IGSF21: variants seen among roughly 807,000 people sequenced by gnomAD.
IGSF21 encodes immunoglobin superfamily member 21.
In IGSF21, 28 loss-of-function variants were observed where a neutral mutation model predicts 46.8. That is an observed-to-expected ratio of 0.60 (90% CI 0.44 to 0.82). The LOEUF (loss-of-function observed/expected upper bound fraction) is 0.82, where lower values mean the gene tolerates loss of function less well. Among genes scored for constraint, IGSF21 ranks in the 40% least tolerant of loss-of-function variants. The pLI is 0.00. For missense variants in IGSF21, 624 were observed against 665.5 expected (o/e 0.94, Z 0.69); for synonymous variants, 284 against 273.6 (o/e 1.04, Z -0.38).
chr1:18,296,112 C>T (rs557035253), intron 3 of IGSF21, among the ~76,000 whole-genome samples: 72 of 152,264 alleles, frequency 4.7e-4, no homozygotes, highest in African/African-American at 1.5e-3. Context: ...AACTCTCTCC[C>T]GGAGTTTCTC....
intron 4 of IGSF21, chr1:18,361,564 C>G (rs764870858): frequency 6.5e-6 from 1 of 153,650 alleles, no homozygotes; most frequent in Non-Finnish European, 1.4e-5. Flanking sequence ...CTGCCCCGCT[C>G]TGTCCTGGCC....
chr1:18,253,287 G>T (rs2084859971), intron 2 of IGSF21, among the ~76,000 whole-genome samples: 1 of 152,216 alleles, frequency 6.6e-6, no homozygotes, highest in Non-Finnish European at 1.5e-5. Context: ...ACTTTCCTGA[G>T]TCATCTGATG....
intron 1 of IGSF21, among the ~76,000 whole-genome samples, chr1:18,225,373 A>G (rs2124504367): frequency 1.3e-5 from 2 of 152,016 alleles, no homozygotes; most frequent in South Asian, 4.2e-4. Context: ...CCCAATCACC[A>G]GAGCTGCAAC....
intron 1 of IGSF21, among the ~76,000 whole-genome samples, chr1:18,208,376 A>ATATATATATATATATATATATAT: frequency 4.5e-5 from 1 of 22,040 alleles, no homozygotes; most frequent in African/African-American, 1.7e-4. Flanking sequence ...GTTTAGGAAT[A>ATATATATATATATATATATATAT]ATATATATAT....
chr1:18,341,033 TTCTTCTTCTTCC>T (rs760561224), intron 4 of IGSF21, among the ~76,000 whole-genome samples: 416 of 106,918 alleles, frequency 3.9e-3, no homozygotes, highest in Middle Eastern at 8.2e-3. Context: ...CTTCTTCTTC[TTCTTCTTCTTCC>T]TCTTCCTCTT....
At chr1:18,161,737 C>T (rs546061054) in intron 1 of IGSF21, among the ~76,000 whole-genome samples, 3 of 152,282 alleles carry the variant, frequency 2.0e-5, no homozygotes, top group Admixed American at 6.5e-5. Context: ...TACACTGATA[C>T]AGTCTCGCGT....
chr1:18,261,629 G>A (rs907005922), intron 2 of IGSF21, among the ~76,000 whole-genome samples: 8 of 152,210 alleles, frequency 5.3e-5, no homozygotes, highest in African/African-American at 1.9e-4. Context: ...CACTGCCTGT[G>A]GGGTAGCCCT....
chr1:18,217,125 T>G (rs2084457367), intron 1 of IGSF21, among the ~76,000 whole-genome samples: 1 of 152,152 alleles, frequency 6.6e-6, no homozygotes, highest in Non-Finnish European at 1.5e-5. Flanking sequence ...GCCAACCACC[T>G]GACCACCCGT....
At chr1:18,215,794 C>G (rs540647361) in intron 1 of IGSF21, among the ~76,000 whole-genome samples, 1 of 152,228 alleles carries the variant, frequency 6.6e-6, no homozygotes, top group Non-Finnish European at 1.5e-5. Context: ...AACAGGGAGA[C>G]AAAGAAGAAT....
intron 4 of IGSF21, among the ~76,000 whole-genome samples, chr1:18,342,051 CTTG>C (rs1385389138): frequency 3.5e-5 from 2 of 57,012 alleles, no homozygotes; most frequent in Admixed American, 2.1e-4. Flanking sequence ...GTGCATTTTC[CTTG>C]TTTTTTTTTT....
intron 1 of IGSF21, among the ~76,000 whole-genome samples, chr1:18,162,165 C>A (rs2086632318): frequency 6.6e-6 from 1 of 152,142 alleles, no homozygotes; most frequent in Non-Finnish European, 1.5e-5. Flanking sequence ...CTCACCTCAA[C>A]CTCCTGAGTA....
chr1:18,316,259 C>T (rs2085542271), intron 3 of IGSF21, among the ~76,000 whole-genome samples: 1 of 152,220 alleles, frequency 6.6e-6, no homozygotes, highest in African/African-American at 2.4e-5. Flanking sequence ...ATCCTGTCCC[C>T]TCCTCCCCAG....
chr1:18,362,590 C>G (rs116446824), intron 5 of IGSF21, among the ~76,000 whole-genome samples: 1 of 152,114 alleles, frequency 6.6e-6, no homozygotes, highest in East Asian at 1.9e-4. Flanking sequence ...GGGGCTTGTC[C>G]CAAGTCACCA....
intron 1 of IGSF21, chr1:18,115,952 T>A (rs2086187145): frequency 6.6e-6 from 1 of 151,652 alleles, no homozygotes; most frequent in African/African-American, 2.4e-5. Context: ...ACCGAGCAGC[T>A]ACTATGTGCC....
intron 6 of IGSF21, among the ~76,000 whole-genome samples, chr1:18,370,022 C>A (rs752159759): frequency 6.6e-6 from 1 of 152,170 alleles, no homozygotes; most frequent in Non-Finnish European, 1.5e-5. Flanking sequence ...CACATGCAAA[C>A]CATCATTAAG....
At chr1:18,313,087 C>G (rs904715703) in intron 3 of IGSF21, among the ~76,000 whole-genome samples, 21 of 152,208 alleles carry the variant, frequency 1.4e-4, no homozygotes, top group Non-Finnish European at 4.4e-5. Flanking sequence ...TGGCCCTGAA[C>G]ATTTGTTGGA....
intron 1 of IGSF21, among the ~76,000 whole-genome samples, chr1:18,200,792 C>T (rs1206495666): frequency 2.6e-5 from 4 of 152,128 alleles, no homozygotes; most frequent in Admixed American, 2.0e-4. Context: ...CTTGAGTGGC[C>T]GGGATCCACG....
chr1:18,280,674 G>T (rs186360330), intron 2 of IGSF21, among the ~76,000 whole-genome samples: 248 of 152,150 alleles, frequency 1.6e-3, no homozygotes, highest in African/African-American at 5.7e-3. Context: ...GAACCTAGAG[G>T]TCTGACTCCA....
At chr1:18,172,228 T>A in intron 1 of IGSF21, among the ~76,000 whole-genome samples, 1 of 152,236 alleles carries the variant, frequency 6.6e-6, no homozygotes, top group Non-Finnish European at 1.5e-5. Flanking sequence ...CCTGTTGATG[T>A]TTCCTGTTAC....
Sources: gnomAD v4.1 joint callset for allele counts (sites outside exome capture counted in the v4.1 genomes callset) on GRCh38, gnomAD v4.1.1 for gene constraint, MANE v1.5 for transcripts, NCBI Gene and HGNC (gene_info 2026-07-23, HGNC 2026-07-21) for gene names.